PHIP: variants seen among roughly 807,000 people sequenced by gnomAD.
The protein encoded by PHIP is PHIP subunit of CUL4-Ring ligase complex, also known as PH-interacting protein.
In PHIP, 54 loss-of-function variants were observed where a neutral mutation model predicts 236.8. The ratio of observed to expected loss-of-function variants is 0.23; its 90% CI spans 0.18 to 0.29. The LOEUF is 0.29. Among genes scored for constraint, PHIP ranks in the 10% least tolerant of loss-of-function variants. The pLI is 1.00. For missense variants in PHIP, 1,370 were observed against 2,190.8 expected (o/e 0.63, Z 7.48); for synonymous variants, 756 against 718.9 (o/e 1.05, Z -0.83).
intron 7 of PHIP, among the ~76,000 whole-genome samples, chr6:79,026,898 C>A (rs1181282029): frequency 6.6e-6 from 1 of 151,638 alleles, no homozygotes; most frequent in Non-Finnish European, 1.5e-5. Flanking sequence ...TATCGTTAAT[C>A]CCCATATATC....
chr6:79,043,354 C>A (rs1274473475), intron 6 of PHIP, among the ~76,000 whole-genome samples: 1 of 152,046 alleles, frequency 6.6e-6, no homozygotes, highest in Non-Finnish European at 1.5e-5. Context: ...TCCTTAAAAG[C>A]TGTCTATGAA....
intron 6 of PHIP, among the ~76,000 whole-genome samples, chr6:79,055,471 T>G (rs1307056946): frequency 6.6e-6 from 1 of 152,162 alleles, no homozygotes; most frequent in Admixed American, 6.6e-5. Flanking sequence ...AGGACAATAC[T>G]AAAGATTCGC....
intron 7 of PHIP, among the ~76,000 whole-genome samples, chr6:79,028,449 T>A (rs751376203): frequency 4.3e-4 from 65 of 152,236 alleles, no homozygotes; most frequent in South Asian, 1.5e-3. Flanking sequence ...AACAGCTGTT[T>A]GGGGAATAAA....
At chr6:79,049,040 T>C (rs1249610191) in intron 6 of PHIP, among the ~76,000 whole-genome samples, 1 of 152,056 alleles carries the variant, frequency 6.6e-6, no homozygotes, top group Non-Finnish European at 1.5e-5. Flanking sequence ...TAATTTTACT[T>C]AATTCATTTT....
intron 8 of PHIP, 80 bp downstream of exon 8, chr6:79,025,863 A>G: frequency 9.2e-7 from 1 of 1,085,130 alleles, no homozygotes; most frequent in Non-Finnish European, 1.4e-6. Context: ...AAAATTTAAT[A>G]ACCAAAAGTG....
Position 78,970,830 on chromosome 6 carries a change from A to AT in PHIP, c.2947dup (p.Ile983AsnfsTer3). On this transcript the variant is annotated frameshift_variant, in exon 25 of 40. Transcript: ENST00000275034. LOFTEE classifies it high-confidence loss of function. ...TTGTTTTTTGGGATTGATACTATAT[A>AT]TTTTATTTTTCCGGGCCATTTCGAC... is the stretch of plus-strand genomic sequence containing the variant. 2 of 1,612,084 alleles carry AT rather than the reference A, an allele frequency of 1.2e-6. No homozygotes were observed. The highest frequency in any genetic ancestry group is 1.7e-6 in the Non-Finnish European group (2 of 1,179,180).
intron 6 of PHIP, among the ~76,000 whole-genome samples, chr6:79,045,572 T>C (rs1478816654): frequency 9.2e-5 from 14 of 152,058 alleles, no homozygotes; most frequent in Non-Finnish European, 2.1e-4. Context: ...ATATACAAGA[T>C]GGTTCAATTT....
At chr6:79,061,349 T>C (rs1000778861) in intron 4 of PHIP, among the ~76,000 whole-genome samples, 3 of 152,176 alleles carry the variant, frequency 2.0e-5, no homozygotes, top group African/African-American at 7.2e-5. Context: ...TCAAAGTATG[T>C]TTTGGGAACC....
chr6:78,969,988 T>C, intron 26 of PHIP, 61 bp downstream of exon 26: 27 of 1,595,222 alleles, frequency 1.7e-5, no homozygotes, highest in Non-Finnish European at 2.2e-5. Flanking sequence ...CAAATGTATC[T>C]GAATCTTGAA....
intron 4 of PHIP, among the ~76,000 whole-genome samples, chr6:79,070,059 A>C (rs1773808740): frequency 6.6e-6 from 1 of 152,168 alleles, no homozygotes; most frequent in Non-Finnish European, 1.5e-5. Context: ...TTGCTAAAAA[A>C]AAGAGACTCT....
rs1448829807 is a variant in PHIP, at chr6:78,939,928, C to T, written c.*765G>A. ...TATTGAAAAGTGTATGCTGTCCTGACGTCAAAAACAGGCTTTCCACTGCAC... is the reference window on the plus strand; with the variant it reads ...TATTGAAAAGTGTATGCTGTCCTGATGTCAAAAACAGGCTTTCCACTGCAC... On this transcript the variant is annotated 3_prime_UTR_variant, in exon 40 of 40. Transcript: ENST00000275034. 4 of 152,418 alleles carry T rather than the reference C, an allele frequency of 2.6e-5. No individual in the cohort carries two copies. Among genetic ancestry groups the T allele is most frequent in the Non-Finnish European group, 1.5e-5 (1 of 67,906 alleles). 9.4% of individuals were successfully genotyped at this position (152,418 alleles called of 1,614,324 possible). A position where few individuals can be genotyped will look rare whatever the true frequency, so the allele number is the denominator to read the frequency against.
Position 78,965,598 on chromosome 6 carries a change from A to G in PHIP, c.3379+105T>C, listed in dbSNP as rs1290837287. On this transcript the variant is annotated intron_variant, in intron 29 of 39. Transcript: ENST00000275034. ...AATATTTGCCAAATGAATGTTTTCT[A>G]TTTGATACTCACAACTGTAAGTGGT... 8.9e-6 allele frequency: 6 copies of G among 672,072 alleles called. No homozygotes were observed. The African/African-American group carries it at 1.1e-4, about 12-fold the overall frequency. The allele number at this position is 672,072 out of a possible 1,614,324, so 41.6% of individuals were successfully genotyped here.
intron 6 of PHIP, 59 bp from the exon 7 acceptor site, chr6:79,043,062 A>G: frequency 7.2e-7 from 1 of 1,395,412 alleles, no homozygotes; most frequent in South Asian, 1.2e-5. Context: ...TTACATGATC[A>G]CCTTTTAAGA....
chr6:78,961,672 A>G lies in PHIP; in HGVS notation c.3656+18T>C, dbSNP rs955352105. On this transcript the variant is annotated intron_variant, in intron 31 of 39. Coordinates refer to ENST00000275034, the MANE Select transcript of PHIP (RefSeq NM_017934.7). ...CACCAGCTTTCCTTTGATAGTAGCTACATCAAATGGTTCTAACCTGTAAAA... is the reference window on the plus strand; with the variant it reads ...CACCAGCTTTCCTTTGATAGTAGCTGCATCAAATGGTTCTAACCTGTAAAA... The G allele has an allele frequency of 2.5e-6, 4 of 1,608,468 alleles. No individual in the cohort carries two copies. Among genetic ancestry groups the G allele is most frequent in the Non-Finnish European group, 1.7e-6 (2 of 1,176,822 alleles).
chr6:78,981,866 G>C (rs1272911419), intron 23 of PHIP, among the ~76,000 whole-genome samples: 1 of 151,866 alleles, frequency 6.6e-6, no homozygotes, highest in African/African-American at 2.4e-5. Flanking sequence ...ATTCTCTTTG[G>C]TAAAGCTTCC....
intron 17 of PHIP, among the ~76,000 whole-genome samples, 156 bp from the exon 18 acceptor site, chr6:78,998,547 A>G (rs994932387): frequency 6.6e-6 from 1 of 152,084 alleles, no homozygotes; most frequent in African/African-American, 2.4e-5. Context: ...AAAAAAAAAA[A>G]GGAAAGAAAA....
chr6:78,979,677 A>G (rs570651299), intron 23 of PHIP, among the ~76,000 whole-genome samples: 4 of 152,224 alleles, frequency 2.6e-5, no homozygotes, highest in African/African-American at 7.2e-5. Context: ...TTGAAACCTA[A>G]TATTTTTACA....
intron 15 of PHIP, among the ~76,000 whole-genome samples, chr6:79,006,233 A>G (rs1290075210): frequency 1.3e-5 from 2 of 151,922 alleles, no homozygotes; most frequent in African/African-American, 4.8e-5. Flanking sequence ...TAAAAGACCA[A>G]CTCTCTATTT....
chr6:78,953,833 G>A (rs942590738), intron 35 of PHIP, among the ~76,000 whole-genome samples: 4 of 152,212 alleles, frequency 2.6e-5, no homozygotes, highest in African/African-American at 9.6e-5. Flanking sequence ...TGATCCGCCT[G>A]CCTTGGCTTC....
Sources: allele counts gnomAD v4.1 joint callset (sites outside exome capture counted in the v4.1 genomes callset), GRCh38; gene constraint gnomAD v4.1.1; transcripts MANE v1.5; gene names NCBI Gene and HGNC (gene_info 2026-07-23, HGNC 2026-07-21).